The following CDK14 variants were observed in gnomAD, a reference collection of about 807,000 sequenced individuals.
CDK14 encodes cyclin-dependent kinase 14.
A neutral mutation model predicts 60.7 loss-of-function variants in CDK14; 34 were observed. The ratio of observed to expected loss-of-function variants is 0.56; its 90% confidence interval spans 0.43 to 0.75. The LOEUF is 0.75. Ranked by LOEUF, CDK14 falls within the 30% of genes least tolerant of loss-of-function variation. The pLI, the probability that CDK14 is intolerant of heterozygous loss-of-function variation, is 0.00. For synonymous variants in CDK14, 197 were observed against 203.7 expected (o/e 0.97, Z 0.28); for missense variants, 482 against 564.1 (o/e 0.85, Z 1.47).
intron 14 of CDK14, among the ~76,000 whole-genome samples, chr7:91,160,654 A>G (rs574149604): frequency 2.6e-5 from 4 of 152,096 alleles, no homozygotes; most frequent in Non-Finnish European, 5.9e-5. Context: ...AAATATTTAT[A>G]CTATATATAT....
intron 5 of CDK14, among the ~76,000 whole-genome samples, chr7:90,850,443 A>G (rs1790611802): frequency 6.6e-6 from 1 of 152,210 alleles, no homozygotes; most frequent in Non-Finnish European, 1.5e-5. Context: ...GGAATAGGTC[A>G]TCAGGTTATT....
At chr7:91,085,526 G>A (rs1798615846) in intron 12 of CDK14, among the ~76,000 whole-genome samples, 2 of 152,168 alleles carry the variant, frequency 1.3e-5, no homozygotes, top group Admixed American at 6.5e-5. Flanking sequence ...TCTCTGTACA[G>A]TCCCTTTTGC....
intron 2 of CDK14, among the ~76,000 whole-genome samples, chr7:90,678,266 G>A (rs900873009): frequency 6.6e-6 from 1 of 152,206 alleles, no homozygotes; most frequent in Non-Finnish European, 1.5e-5. Flanking sequence ...CAGCAGAGGA[G>A]GAGAGAGTGG....
chr7:90,981,212 A>G (rs1474050374), intron 9 of CDK14, among the ~76,000 whole-genome samples: 3 of 152,228 alleles, frequency 2.0e-5, no homozygotes, highest in Non-Finnish European at 4.4e-5. Flanking sequence ...CCACCGTACT[A>G]AAAATTTAAG....
At chr7:90,777,010 G>A (rs1440254859) in intron 4 of CDK14, among the ~76,000 whole-genome samples, 2 of 111,922 alleles carry the variant, frequency 1.8e-5, no homozygotes, top group Admixed American at 2.0e-4. Flanking sequence ...GTGACACGAA[G>A]TTAGTTAAAA....
At chr7:91,125,402 C>CA in intron 14 of CDK14, among the ~76,000 whole-genome samples, 1 of 152,206 alleles carries the variant, frequency 6.6e-6, no homozygotes, top group East Asian at 1.9e-4. Flanking sequence ...GTATAATTAA[C>CA]AAAAAGTTTG....
intron 6 of CDK14, among the ~76,000 whole-genome samples, chr7:90,868,167 C>G (rs1159512199): frequency 6.6e-6 from 1 of 151,662 alleles, no homozygotes; most frequent in African/African-American, 2.4e-5. Context: ...ATGCATTCAC[C>G]CATAATACCA....
chr7:90,906,957 T>G (rs963024139), intron 7 of CDK14, among the ~76,000 whole-genome samples: 3 of 152,110 alleles, frequency 2.0e-5, no homozygotes, highest in African/African-American at 7.2e-5. Flanking sequence ...CTTTAATTGC[T>G]TACAAAATGT....
intron 14 of CDK14, among the ~76,000 whole-genome samples, chr7:91,119,722 G>C (rs1720067136): frequency 6.6e-6 from 1 of 152,076 alleles, no homozygotes; most frequent in Admixed American, 6.5e-5. Flanking sequence ...GGTCAATTTT[G>C]GCCTATCAGG....
chr7:90,865,026 G>A (rs1791132068), intron 6 of CDK14, among the ~76,000 whole-genome samples: 1 of 152,054 alleles, frequency 6.6e-6, no homozygotes. Flanking sequence ...TGATTGCCCT[G>A]CCTCTGCTTC....
intron 9 of CDK14, among the ~76,000 whole-genome samples, chr7:90,978,280 C>T (rs1584192046): frequency 6.6e-6 from 1 of 152,200 alleles, no homozygotes; most frequent in African/African-American, 2.4e-5. Flanking sequence ...GCGGAGGCTT[C>T]ACTGCCTCGA....
At chr7:90,783,519 A>G (rs1452766602) in intron 4 of CDK14, among the ~76,000 whole-genome samples, 1 of 152,186 alleles carries the variant, frequency 6.6e-6, no homozygotes, top group East Asian at 1.9e-4. Context: ...TGTTCAGCAG[A>G]CAAGGGATTA....
chr7:91,053,833 G>C (rs1045572314), intron 11 of CDK14, among the ~76,000 whole-genome samples: 3 of 152,116 alleles, frequency 2.0e-5, no homozygotes, highest in Non-Finnish European at 4.4e-5. Flanking sequence ...CCATGATGTT[G>C]CCCTGCACAG....
chr7:90,859,186 C>T (rs1488010396), intron 5 of CDK14, among the ~76,000 whole-genome samples: 1 of 152,178 alleles, frequency 6.6e-6, no homozygotes, highest in Non-Finnish European at 1.5e-5. Context: ...GGAGGGAACA[C>T]CCTTCTTATT....
At chr7:91,073,582 G>T (rs894153843) in intron 11 of CDK14, among the ~76,000 whole-genome samples, 6 of 152,122 alleles carry the variant, frequency 3.9e-5, no homozygotes, top group African/African-American at 1.4e-4. Context: ...ATGTTGTGAA[G>T]AAACTGCATC....
At chr7:90,704,612 A>G (rs1341345297) in intron 2 of CDK14, among the ~76,000 whole-genome samples, 2 of 152,142 alleles carry the variant, frequency 1.3e-5, no homozygotes, top group African/African-American at 4.8e-5. Flanking sequence ...TTGGGTTGTG[A>G]TAGAATCACC....
intron 10 of CDK14, among the ~76,000 whole-genome samples, chr7:91,038,154 A>G (rs1043463097): frequency 6.6e-6 from 1 of 152,168 alleles, no homozygotes; most frequent in Non-Finnish European, 1.5e-5. Context: ...TGCTCCAGGA[A>G]GGTAGAGTAA....
intron 2 of CDK14, among the ~76,000 whole-genome samples, chr7:90,653,482 C>G (rs1486808177): frequency 6.6e-6 from 1 of 151,572 alleles, no homozygotes; most frequent in Non-Finnish European, 1.5e-5. Context: ...TCTCTGGATC[C>G]TAGGAACCAC....
At chr7:90,984,318 G>A (rs1346490769) in intron 10 of CDK14, 77 bp downstream of exon 10, 1 of 905,732 alleles carries the variant, frequency 1.1e-6, no homozygotes, top group Non-Finnish European at 1.8e-6. Flanking sequence ...ACAGCAGTCT[G>A]TGGAAAAATA....
Sources: gnomAD v4.1 joint callset for allele counts (sites outside exome capture counted in the v4.1 genomes callset) on GRCh38, gnomAD v4.1.1 for gene constraint, MANE v1.5 for transcripts, NCBI Gene and HGNC (gene_info 2026-07-23, HGNC 2026-07-21) for gene names.